ASTN2: variants seen among roughly 807,000 people sequenced by gnomAD.
ASTN2 encodes the protein astrotactin-2.
ASTN2 carries 54 observed loss-of-function variants against 139.8 expected under a neutral mutation model. The ratio of observed to expected loss-of-function variants is 0.39; its 90% CI spans 0.31 to 0.48. ASTN2 has a LOEUF of 0.48. Among genes scored for constraint, ASTN2 ranks in the 20% least tolerant of loss-of-function variants. ASTN2 has a pLI of 0.95. For synonymous variants in ASTN2, 756 were observed against 719.5 expected, an observed-to-expected ratio of 1.05 and a Z score of -0.81; for missense variants, 1,565 against 1,725.1, an observed-to-expected ratio of 0.91 and a Z score of 1.64.
intron 1 of ASTN2, among the ~76,000 whole-genome samples, chr9:117,301,353 T>C (rs1302218894): frequency 6.6e-6 from 1 of 152,168 alleles, no homozygotes; most frequent in East Asian, 1.9e-4. Context: ...AGAGAGTGGG[T>C]GACTAAAGAA....
intron 19 of ASTN2, among the ~76,000 whole-genome samples, chr9:116,589,240 A>T (rs1854282357): frequency 6.6e-6 from 1 of 152,238 alleles, no homozygotes; most frequent in African/African-American, 2.4e-5. Context: ...TATTACTTTT[A>T]AAAGTGCCAA....
In ASTN2 at chr9:116,770,931, T is replaced by C. The variant is rs183349719; in HGVS notation, c.2396+34701A>G. ...GGAGCCAAGAAAGTAGAACCTGCCA[T>C]TATATGGAGCTTCACCACCTCTCTG... On this transcript the variant is annotated intron_variant, in intron 13 of 22. Coordinates refer to ENST00000313400, the MANE Select transcript of ASTN2 (RefSeq NM_001365068.1). 2.3e-3 allele frequency among the ~76,000 whole-genome samples: 344 copies of C among 152,306 alleles called. 2 individuals are homozygous for C. The highest frequency in any genetic ancestry group is 5.6e-3 in the African/African-American group (232 of 41,572).
At chr9:117,271,257 A>G (rs1435660344) in intron 2 of ASTN2, among the ~76,000 whole-genome samples, 1 of 152,188 alleles carries the variant, frequency 6.6e-6, no homozygotes, top group Non-Finnish European at 1.5e-5. Context: ...AAGAAGAAAA[A>G]GCAGAAACCC....
At chr9:117,383,468 T>C (rs1342469082) in intron 1 of ASTN2, among the ~76,000 whole-genome samples, 1 of 152,192 alleles carries the variant, frequency 6.6e-6, no homozygotes, top group Non-Finnish European at 1.5e-5. Context: ...ACTTGAGTGT[T>C]TACATTTCAT....
chr9:116,475,467 A>G (rs1037305860), intron 20 of ASTN2, among the ~76,000 whole-genome samples: 2 of 151,842 alleles, frequency 1.3e-5, no homozygotes, highest in African/African-American at 4.8e-5. Context: ...CCAGTAATAG[A>G]ACATTTCCTG....
intron 20 of ASTN2, among the ~76,000 whole-genome samples, chr9:116,473,429 G>A (rs1389281264): frequency 6.6e-6 from 1 of 152,156 alleles, no homozygotes; most frequent in Non-Finnish European, 1.5e-5. Flanking sequence ...GGGAGGAAAG[G>A]CATCTCTTGT....
At chr9:116,929,239 T>C (rs1357027383) in intron 10 of ASTN2, among the ~76,000 whole-genome samples, 1 of 152,180 alleles carries the variant, frequency 6.6e-6, no homozygotes, top group African/African-American at 2.4e-5. Context: ...AAGGTCTTCA[T>C]GAGAAGAGGC....
chr9:116,677,311 T>G (rs74491878), intron 16 of ASTN2, among the ~76,000 whole-genome samples: 2 of 151,728 alleles, frequency 1.3e-5, no homozygotes, highest in Non-Finnish European at 2.9e-5. Context: ...GACCCTGTTT[T>G]GGAAAAAAAA....
At chr9:116,673,290 A>G (rs944558338) in intron 16 of ASTN2, among the ~76,000 whole-genome samples, 8 of 152,192 alleles carry the variant, frequency 5.3e-5, no homozygotes, top group African/African-American at 1.9e-4. Context: ...GCCACCAAGA[A>G]CCTGGACACA....
intron 10 of ASTN2, among the ~76,000 whole-genome samples, chr9:116,974,357 A>G (rs975486887): frequency 3.9e-5 from 6 of 152,166 alleles, no homozygotes. Context: ...TGAGAAGTGC[A>G]CCATAATGGG....
chr9:116,925,863 C>CAAACAA (rs1554761466), intron 10 of ASTN2, among the ~76,000 whole-genome samples: 22 of 95,840 alleles, frequency 2.3e-4, no homozygotes, highest in Non-Finnish European at 7.4e-5. Flanking sequence ...CACAACACAA[C>CAAACAA]ACACACACAC....
chr9:117,285,918 T>C (rs1020515321), intron 2 of ASTN2, among the ~76,000 whole-genome samples: 2 of 152,184 alleles, frequency 1.3e-5, no homozygotes, highest in Admixed American at 1.3e-4. Flanking sequence ...AAACCAAACA[T>C]TTCTTTTCAT....
At chr9:117,133,742 G>A (rs1267615886) in intron 4 of ASTN2, among the ~76,000 whole-genome samples, 1 of 152,168 alleles carries the variant, frequency 6.6e-6, no homozygotes, top group African/African-American at 2.4e-5. Flanking sequence ...AGGTATGCAC[G>A]ACTTTCATTT....
intron 5 of ASTN2, among the ~76,000 whole-genome samples, chr9:117,084,819 A>C (rs1828520672): frequency 6.6e-6 from 1 of 152,244 alleles, no homozygotes; most frequent in South Asian, 2.1e-4. Context: ...ATATTAAATG[A>C]TTAGAATCTG....
intron 17 of ASTN2, among the ~76,000 whole-genome samples, chr9:116,624,748 A>T (rs560222964): frequency 6.6e-6 from 1 of 152,302 alleles, no homozygotes; most frequent in African/African-American, 2.4e-5. Flanking sequence ...GACTCCAAAA[A>T]GATGCTCTGA....
At chr9:117,221,068 A>G (rs745467609) in intron 2 of ASTN2, among the ~76,000 whole-genome samples, 6 of 152,244 alleles carry the variant, frequency 3.9e-5, no homozygotes, top group Non-Finnish European at 7.3e-5. Context: ...AAACACATCC[A>G]GAAGCTGACA....
At chr9:117,314,493 A>G (rs1828073814) in intron 1 of ASTN2, among the ~76,000 whole-genome samples, 1 of 150,862 alleles carries the variant, frequency 6.6e-6, no homozygotes, top group South Asian at 2.1e-4. Flanking sequence ...TAGCTGCTGG[A>G]TTTTCTCAAT....
rs148187603 is a variant in ASTN2, at chr9:116,769,770, C to T, written c.2396+35862G>A. Among the ~76,000 whole-genome samples, 116 of 152,222 alleles carry T rather than the reference C, an allele frequency of 7.6e-4. No homozygotes were observed. In the East Asian group the frequency reaches 0.018, roughly 24 times the overall value. The stretch of plus-strand genomic sequence containing the variant: ...CTTTAAAATAGTGGATGAAGCTGGG[C>T]ACAGTGGCTCATGCCTATAATCCCA... On this transcript the variant is annotated intron_variant, in intron 13 of 22. Transcript: ENST00000313400.
intron 1 of ASTN2, among the ~76,000 whole-genome samples, chr9:117,364,074 T>C (rs1442771719): frequency 1.4e-4 from 21 of 152,210 alleles, no homozygotes; most frequent in Non-Finnish European, 7.3e-5. Flanking sequence ...TTGTTTTCTC[T>C]ATCCCCCTCT....
Sources: gnomAD v4.1 joint callset for allele counts (sites outside exome capture counted in the v4.1 genomes callset) on GRCh38, gnomAD v4.1.1 for gene constraint, MANE v1.5 for transcripts, NCBI Gene and HGNC (gene_info 2026-07-23, HGNC 2026-07-21) for gene names.